Variants in C14orf39 observed in about 807,000 individuals in gnomAD.
C14orf39 encodes the protein protein SIX6OS1.
In C14orf39, 66 loss-of-function variants were observed where a neutral mutation model predicts 85.6. The observed-to-expected ratio is 0.77, with a 90% CI of 0.63 to 0.95. The LOEUF (loss-of-function observed/expected upper bound fraction) is 0.95. Ranked by LOEUF, C14orf39 falls within the 40% of genes least tolerant of loss-of-function variation. The probability of loss-of-function intolerance (pLI) is 0.00; values close to 1 mark genes in which losing one functional copy is unlikely to be tolerated. For synonymous variants in C14orf39, 242 were observed against 214.0 expected, an observed-to-expected ratio of 1.13 and a Z score of -1.14; for missense variants, 735 against 663.9, an observed-to-expected ratio of 1.11 and a Z score of -1.18.
intron 17 of C14orf39, among the ~76,000 whole-genome samples, chr14:60,438,688 G>C (rs186253042): frequency 2.0e-5 from 3 of 152,114 alleles, no homozygotes; most frequent in Non-Finnish European, 4.4e-5. Flanking sequence ...ATTCAGAAAA[G>C]AGAGGGAGAG....
chr14:60,466,402 A>G (rs1457687803), intron 10 of C14orf39, among the ~76,000 whole-genome samples: 1 of 151,414 alleles, frequency 6.6e-6, no homozygotes, highest in Non-Finnish European at 1.5e-5. Flanking sequence ...GATTTTTGCC[A>G]TTACTTTTAA....
At chr14:60,506,159 T>G (rs573702686) in intron 1 of C14orf39, among the ~76,000 whole-genome samples, 1 of 152,066 alleles carries the variant, frequency 6.6e-6, no homozygotes, top group Non-Finnish European at 1.5e-5. Flanking sequence ...AGACCTCATG[T>G]CCCAATCTAC....
rs777270546 is a variant in C14orf39 at position 60,436,958 on chromosome 14, CT to C, written c.1650del (p.Asp551MetfsTer21). 10 of 1,612,588 alleles carry C rather than the reference CT, an allele frequency of 6.2e-6. No homozygotes were observed. The highest frequency in any genetic ancestry group is 6.8e-6 in the Non-Finnish European group (8 of 1,179,074). On this transcript the variant is annotated frameshift_variant, in exon 18 of 18. Coordinates refer to ENST00000321731, the MANE Select transcript of C14orf39 (RefSeq NM_174978.3). LOFTEE classifies it high-confidence loss of function. Reference sequence around the variant, plus strand: ...AATGAAAATGGAAAACTAAAATCATCTTTTCCAGCTCCAAATGTATGAGTTG... The same window carrying C: ...AATGAAAATGGAAAACTAAAATCATCTTTCCAGCTCCAAATGTATGAGTTG... ...DTSTHTFGAG[K>X]DDFSFPFSFG...
Position 60,458,669 on chromosome 14 carries a change from T to A in C14orf39, c.1179+9A>T. The stretch of plus-strand genomic sequence containing the variant: ...TGCTTAGAAATTAGAGATCAAACAT[T>A]TGACTTACTTGTGAAGTACATTTTG... On this transcript the variant is annotated intron_variant, in intron 14 of 17. Coordinates refer to ENST00000321731, the MANE Select transcript of C14orf39 (RefSeq NM_174978.3). 1 of 1,584,398 alleles carries A rather than the reference T, an allele frequency of 6.3e-7. No homozygotes were observed. Among genetic ancestry groups the A allele is most frequent in the Non-Finnish European group, 8.6e-7 (1 of 1,160,974 alleles).
At chr14:60,462,020 A>G (rs1033348805) in intron 11 of C14orf39, among the ~76,000 whole-genome samples, 5 of 152,082 alleles carry the variant, frequency 3.3e-5, no homozygotes, top group Non-Finnish European at 7.4e-5. Context: ...AAAAGCTGAA[A>G]CTTTCCTTTT....
Position 60,471,662 on chromosome 14 carries a change from A to G in C14orf39, c.401T>C (p.Phe134Ser). 6.2e-7 allele frequency: 1 copy of G among 1,609,728 alleles called. No homozygotes were observed. Among genetic ancestry groups the G allele is most frequent in the Non-Finnish European group, 8.5e-7 (1 of 1,177,232 alleles). ...TTTCTTCTCATAATATTCACGTGAA[A>G]AGGGTGTTTCTGAGTATTTTAGTTG... ...QYQLKYSETP[F>S]SREYYEKKRE... Residue 134 changes from phenylalanine (F) to serine (S), a missense_variant, in exon 6 of 18, where the codon TTT becomes TCT. By Grantham distance (155) the Phe-to-Ser change is radical. Transcript: ENST00000321731.
In C14orf39 at chr14:60,467,047, A is replaced by G. The variant is rs772074283; in HGVS notation, c.768-3T>C. 2 of 1,311,588 alleles carry G rather than the reference A, an allele frequency of 1.5e-6. No homozygotes were observed. Among genetic ancestry groups the G allele is most frequent in the East Asian group, 2.8e-5 (1 of 36,318 alleles). The allele number at this position is 1,311,588 out of a possible 1,614,324, so 81.2% of individuals were successfully genotyped here. A position where few individuals can be genotyped will look rare whatever the true frequency, so the allele number is the denominator to read the frequency against. On this transcript the variant is annotated splice_polypyrimidine_tract_variant and splice_region_variant and intron_variant, in intron 9 of 17. Coordinates refer to ENST00000321731, the MANE Select transcript of C14orf39 (RefSeq NM_174978.3). The stretch of plus-strand genomic sequence containing the variant: ...CATGCTCATCTTTTCCAAAAATTCT[A>G]AAGAGAAAGGTGAATTACATTAAAT...
chr14:60,507,350 C>A (rs949910981), intron 1 of C14orf39, among the ~76,000 whole-genome samples: 4 of 152,152 alleles, frequency 2.6e-5, no homozygotes, highest in Non-Finnish European at 4.4e-5. Context: ...GTGTTCGGGG[C>A]CCTTGTATCC....
chr14:60,452,574 CTAGTAT>C (rs1350680473), intron 16 of C14orf39, among the ~76,000 whole-genome samples: 1 of 151,776 alleles, frequency 6.6e-6, no homozygotes, highest in Non-Finnish European at 1.5e-5. Context: ...TTAATAAGAT[CTAGTAT>C]TTGATTGCAC....
chr14:60,508,148 G>T (rs1893231865), intron 1 of C14orf39, among the ~76,000 whole-genome samples: 1 of 152,120 alleles, frequency 6.6e-6, no homozygotes, highest in South Asian at 2.1e-4. Context: ...TATTTTTACT[G>T]AATTGTTTTT....
chr14:60,501,438 C>T (rs533838534), intron 1 of C14orf39, among the ~76,000 whole-genome samples: 47 of 151,988 alleles, frequency 3.1e-4, no homozygotes, highest in Non-Finnish European at 5.6e-4. Flanking sequence ...AGAGATGCAG[C>T]CACAAAACAA....
At chr14:60,501,922 T>A (rs1287710509) in intron 1 of C14orf39, among the ~76,000 whole-genome samples, 1 of 152,212 alleles carries the variant, frequency 6.6e-6, no homozygotes, top group Non-Finnish European at 1.5e-5. Flanking sequence ...TCAGGCACTG[T>A]GCAAGGAACA....
chr14:60,482,654 T>C (rs1211467616), intron 4 of C14orf39, among the ~76,000 whole-genome samples: 2 of 152,186 alleles, frequency 1.3e-5, no homozygotes, highest in Non-Finnish European at 2.9e-5. Flanking sequence ...TGTGGAAGTA[T>C]ATCTGTACAT....
chr14:60,471,383 T>A, intron 7 of C14orf39, 34 bp downstream of exon 7: 1 of 1,454,220 alleles, frequency 6.9e-7, no homozygotes, highest in Non-Finnish European at 9.4e-7. Context: ...GCTTATCTAA[T>A]AAAAATTATA....
chr14:60,453,206 T>G (rs1445370413), intron 16 of C14orf39, among the ~76,000 whole-genome samples: 1 of 152,116 alleles, frequency 6.6e-6, no homozygotes, highest in Non-Finnish European at 1.5e-5. Context: ...TCTTTAATTC[T>G]GTTACATTTT....
At chr14:60,493,346 G>A (rs942164121) in intron 2 of C14orf39, among the ~76,000 whole-genome samples, 1 of 152,000 alleles carries the variant, frequency 6.6e-6, no homozygotes, top group Non-Finnish European at 1.5e-5. Context: ...TATAAAACAG[G>A]TCCCTAAATA....
chr14:60,509,358 G>A (rs1393914871), intron 1 of C14orf39: 3 of 1,563,884 alleles, frequency 1.9e-6, no homozygotes, highest in Admixed American at 3.3e-5. Context: ...TGCGTGTCCC[G>A]CTCCGGGCTC....
At chr14:60,462,932 T>G (rs750500602) in intron 11 of C14orf39, among the ~76,000 whole-genome samples, 5 of 152,152 alleles carry the variant, frequency 3.3e-5, no homozygotes, top group Non-Finnish European at 7.3e-5. Flanking sequence ...TGTCTCTATA[T>G]GTCTCCTGGT....
intron 1 of C14orf39, 84 bp from the exon 2 acceptor site, chr14:60,485,170 T>C (rs1304236647): frequency 1.4e-5 from 16 of 1,137,400 alleles, no homozygotes; most frequent in African/African-American, 4.7e-5. Flanking sequence ...CTTTTCAATA[T>C]AGCATTCTTC....
Sources: allele counts gnomAD v4.1 joint callset (sites outside exome capture counted in the v4.1 genomes callset), GRCh38; gene constraint gnomAD v4.1.1; transcripts MANE v1.5; gene names NCBI Gene and HGNC (gene_info 2026-07-23, HGNC 2026-07-21).